TFEC: variants seen among roughly 807,000 people sequenced by gnomAD.
TFEC encodes class E basic helix-loop-helix protein 34.
TFEC carries 31 observed loss-of-function variants against 41.6 expected under a neutral mutation model. The observed-to-expected ratio is 0.74, with a 90% CI of 0.56 to 1.01. The LOEUF (loss-of-function observed/expected upper bound fraction) is 1.01, where lower values mean the gene tolerates loss of function less well. TFEC is among the 50% of genes least tolerant of loss of function. TFEC has a pLI of 0.00. For synonymous variants in TFEC, 143 were observed against 140.6 expected (o/e 1.02, Z -0.12); for missense variants, 402 against 404.1 (o/e 0.99, Z 0.04).
chr7:116,144,009 G>A (rs896509339), intron 1 of TFEC, among the ~76,000 whole-genome samples: 1 of 152,046 alleles, frequency 6.6e-6, no homozygotes, highest in Non-Finnish European at 1.5e-5. Context: ...CACAAGGTCA[G>A]GAGATCGAGA....
chr7:116,076,856 A>G (rs1419575369), intron 3 of TFEC, among the ~76,000 whole-genome samples: 2 of 152,156 alleles, frequency 1.3e-5, no homozygotes, highest in Non-Finnish European at 2.9e-5. Context: ...CATACTTGAG[A>G]AAATAATTGA....
At chr7:116,114,816 T>C (rs554441629) in intron 1 of TFEC, among the ~76,000 whole-genome samples, 1 of 151,628 alleles carries the variant, frequency 6.6e-6, no homozygotes, top group South Asian at 2.1e-4. Context: ...GACAGAAATG[T>C]GAAGGAATCA....
Position 115,939,389 on chromosome 7 carries a change from A to G in TFEC, c.*1162T>C, listed in dbSNP as rs1793378860. On this transcript the variant is annotated 3_prime_UTR_variant, in exon 8 of 8. Coordinates refer to ENST00000265440, the MANE Select transcript of TFEC (RefSeq NM_012252.4). ...AAGCATCATAGTTATAAGTGCTTAT[A>G]ATAAATGCTAACAGTGCAACCAAAG... 6.6e-6 allele frequency: 1 copy of G among 152,080 alleles called. No homozygotes were observed. The highest frequency in any genetic ancestry group is 1.5e-5 in the Non-Finnish European group (1 of 67,986). 9.4% of individuals were successfully genotyped at this position (152,080 alleles called of 1,614,324 possible). A position where few individuals can be genotyped will look rare whatever the true frequency, so the allele number is the denominator to read the frequency against.
At chr7:115,959,904 AAG>A (rs1338842928) in intron 3 of TFEC, among the ~76,000 whole-genome samples, 1 of 151,588 alleles carries the variant, frequency 6.6e-6, no homozygotes, top group African/African-American at 2.4e-5. Flanking sequence ...GAGTTTCGAA[AAG>A]AGAGAAAAAT....
Position 116,075,371 on chromosome 7 carries a change from G to C in TFEC, c.198+35337C>G, listed in dbSNP as rs551045916. Among the ~76,000 whole-genome samples the C allele has an allele frequency of 4.2e-3, 641 of 152,278 alleles. 3 individuals are homozygous for C. The highest frequency in any genetic ancestry group is 6.8e-3 in the Middle Eastern group (2 of 294). ...AGAACTACTGGAGAGAAAGCTGAGGGAATCCACAGACCCTTTGAAGGGGAA... is the reference window on the plus strand; with the variant it reads ...AGAACTACTGGAGAGAAAGCTGAGGCAATCCACAGACCCTTTGAAGGGGAA... On this transcript the variant is annotated intron_variant, in intron 3 of 8. Transcript: ENST00000484212.
At chr7:115,995,522 G>A (rs1486256252) in intron 1 of TFEC, among the ~76,000 whole-genome samples, 1 of 152,140 alleles carries the variant, frequency 6.6e-6, no homozygotes, top group Non-Finnish European at 1.5e-5. Context: ...TTTCCCAGAG[G>A]AGATGGGGAA....
intron 3 of TFEC, among the ~76,000 whole-genome samples, chr7:115,965,553 T>A (rs990195273): frequency 1.3e-5 from 2 of 151,620 alleles, no homozygotes; most frequent in Admixed American, 6.6e-5. Context: ...TACTAATGTC[T>A]CCAAATTGCA....
rs538446455 is a variant in TFEC, at chr7:116,000,180, T to C, written c.-72-15667A>G. Among the ~76,000 whole-genome samples, 18 of 152,218 alleles carry C rather than the reference T, an allele frequency of 1.2e-4. No homozygotes were observed. The South Asian group carries it at 3.7e-3, about 32-fold the overall frequency. The stretch of plus-strand genomic sequence containing the variant: ...GTCAGACATATGCAAAATAATGTGA[T>C]ACATCATATCAACAGAATGAAGAAC... On this transcript the variant is annotated intron_variant, in intron 1 of 7. Transcript: ENST00000265440.
At chr7:115,993,986 T>C (rs1372661482) in intron 1 of TFEC, among the ~76,000 whole-genome samples, 1 of 152,198 alleles carries the variant, frequency 6.6e-6, no homozygotes, top group Non-Finnish European at 1.5e-5. Flanking sequence ...CAAAACAGCA[T>C]GGTACTGGTA....
chr7:115,999,059 C>T (rs1794484339), intron 1 of TFEC, among the ~76,000 whole-genome samples: 1 of 151,930 alleles, frequency 6.6e-6, no homozygotes, highest in African/African-American at 2.4e-5. Context: ...ATTGATCATT[C>T]TCAAGGAGAG....
At chr7:115,952,613 G>A (rs949932205) in intron 5 of TFEC, among the ~76,000 whole-genome samples, 15 of 151,912 alleles carry the variant, frequency 9.9e-5, no homozygotes, top group African/African-American at 3.4e-4. Context: ...CTCTTCTTAG[G>A]TAGTAGTCTA....
rs544778010 is a variant in TFEC, at chr7:116,114,063, G to A, written c.-68-2025C>T. Among the ~76,000 whole-genome samples the A allele has an allele frequency of 9.2e-5, 14 of 152,036 alleles. 1 individual carries two copies. The highest frequency in any genetic ancestry group is 5.9e-4 in the Admixed American group (9 of 15,230). On this transcript the variant is annotated intron_variant, in intron 1 of 8. Transcript: ENST00000484212. ...AGTAACACATTTAAAAAGAAAACTCGTTATCTTAATTTATTATCCTAACAA... is the reference window on the plus strand; with the variant it reads ...AGTAACACATTTAAAAAGAAAACTCATTATCTTAATTTATTATCCTAACAA...
intron 6 of TFEC, among the ~76,000 whole-genome samples, chr7:115,946,551 G>T (rs1464693452): frequency 1.3e-5 from 2 of 150,870 alleles, no homozygotes; most frequent in African/African-American, 4.9e-5. Flanking sequence ...GAGTAGCTTG[G>T]AGTACAGGTG....
intron 1 of TFEC, among the ~76,000 whole-genome samples, chr7:116,023,054 T>C (rs1795458810): frequency 6.7e-6 from 1 of 149,968 alleles, no homozygotes; most frequent in African/African-American, 2.5e-5. Context: ...AATAGCTAAT[T>C]AACAATAACA....
chr7:116,027,604 T>C (rs1447873066), intron 1 of TFEC, among the ~76,000 whole-genome samples: 1 of 151,756 alleles, frequency 6.6e-6, no homozygotes, highest in African/African-American at 2.4e-5. Flanking sequence ...CTCAAAAAAA[T>C]TTTTTAAATG....
intron 3 of TFEC, among the ~76,000 whole-genome samples, chr7:115,967,220 T>C (rs1026230558): frequency 6.6e-6 from 1 of 151,696 alleles, no homozygotes; most frequent in African/African-American, 2.4e-5. Context: ...AAATACCTTA[T>C]ATATATGTGT....
At chr7:116,140,835 A>C (rs1798526045) in intron 1 of TFEC, among the ~76,000 whole-genome samples, 1 of 152,214 alleles carries the variant, frequency 6.6e-6, no homozygotes, top group African/African-American at 2.4e-5. Context: ...TGATGAACTA[A>C]CACATCCATG....
At chr7:116,063,725 C>A (rs546979293) in intron 3 of TFEC, among the ~76,000 whole-genome samples, 101 of 152,258 alleles carry the variant, frequency 6.6e-4, no homozygotes, top group Middle Eastern at 3.4e-3. Flanking sequence ...GAAATATATT[C>A]TTTACATAAT....
intron 3 of TFEC, among the ~76,000 whole-genome samples, chr7:116,053,537 C>T (rs964414253): frequency 4.6e-5 from 7 of 152,084 alleles, no homozygotes; most frequent in African/African-American, 1.2e-4. Context: ...AGGTGGAAAA[C>T]GGGTGATTTG....
Sources: gnomAD v4.1 joint callset for allele counts (sites outside exome capture counted in the v4.1 genomes callset) on GRCh38, gnomAD v4.1.1 for gene constraint, MANE v1.5 for transcripts, NCBI Gene and HGNC (gene_info 2026-07-23, HGNC 2026-07-21) for gene names.